PRDM15: variants seen among roughly 807,000 people sequenced by gnomAD.
The protein encoded by PRDM15 is PR domain zinc finger protein 15.
In PRDM15, 64 loss-of-function variants were observed where a neutral mutation model predicts 128.6. The ratio of observed to expected loss-of-function variants is 0.50; its 90% CI spans 0.41 to 0.61. The LOEUF is 0.61. PRDM15 is among the 20% of genes least tolerant of loss of function. The pLI is 0.00. For synonymous variants in PRDM15, 615 were observed against 621.8 expected, an observed-to-expected ratio of 0.99 and a Z score of 0.16; for missense variants, 1,242 against 1,569.1, an observed-to-expected ratio of 0.79 and a Z score of 3.52.
chr21:41,834,837 C>A (rs1349937714), intron 11 of PRDM15, among the ~76,000 whole-genome samples: 1 of 152,246 alleles, frequency 6.6e-6, no homozygotes, highest in Non-Finnish European at 1.5e-5. Flanking sequence ...CAGACGCCCC[C>A]CAGGCCCGAA....
chr21:41,836,753 C>T (rs540261209), intron 8 of PRDM15, 104 bp from the exon 9 acceptor site: 283 of 966,818 alleles, frequency 2.9e-4, no homozygotes, highest in Non-Finnish European at 4.1e-4. Flanking sequence ...CAGCTAATCC[C>T]GAGCCTGTAT....
intron 11 of PRDM15, among the ~76,000 whole-genome samples, chr21:41,830,507 C>T (rs1303317710): frequency 6.6e-6 from 1 of 150,918 alleles, no homozygotes; most frequent in African/African-American, 2.4e-5. Flanking sequence ...ACACATAATA[C>T]NCCACACCAA....
intron 1 of PRDM15, chr21:41,878,969 G>A: frequency 2.0e-6 from 2 of 989,816 alleles, no homozygotes; most frequent in Non-Finnish European, 2.4e-6. Flanking sequence ...CGCGGAGCCC[G>A]GCCAGGAGCG....
chr21:41,820,312 G>A (rs1488494331), intron 16 of PRDM15, 138 bp from the exon 17 acceptor site: 4 of 677,724 alleles, frequency 5.9e-6, no homozygotes, highest in South Asian at 3.4e-5. Context: ...AGATATTTGA[G>A]CCTCTGCCAC....
chr21:41,829,444 A>G (rs1159785906), intron 11 of PRDM15, among the ~76,000 whole-genome samples: 1 of 151,650 alleles, frequency 6.6e-6, no homozygotes, highest in East Asian at 1.9e-4. Flanking sequence ...AGCCACAAAT[A>G]CTCAACACAC....
chr21:41,835,826 G>A (rs556721021), intron 10 of PRDM15, among the ~76,000 whole-genome samples: 60 of 151,756 alleles, frequency 4.0e-4, no homozygotes, highest in Admixed American at 7.2e-4. Context: ...GCCCAGGGAC[G>A]CCAGGACACC....
intron 1 of PRDM15, chr21:41,861,521 T>G: frequency 6.7e-7 from 1 of 1,495,088 alleles, no homozygotes. Context: ...CACCAAATGA[T>G]TATTCCTCCT....
chr21:41,857,089 A>T, intron 4 of PRDM15, 87 bp downstream of exon 4: 1 of 1,200,742 alleles, frequency 8.3e-7, no homozygotes, highest in Non-Finnish European at 1.2e-6. Flanking sequence ...AAATCATGGA[A>T]ACTCAGTGGT....
At chr21:41,869,601 C>G (rs2064141010) in intron 1 of PRDM15, among the ~76,000 whole-genome samples, 1 of 152,132 alleles carries the variant, frequency 6.6e-6, no homozygotes, top group East Asian at 1.9e-4. Flanking sequence ...CATGCACCAC[C>G]ACGCCTGGCT....
At chr21:41,803,287 C>A (rs182121491) in intron 22 of PRDM15, among the ~76,000 whole-genome samples, 81 of 152,324 alleles carry the variant, frequency 5.3e-4, no homozygotes, top group Non-Finnish European at 9.7e-4. Context: ...CAAATCAGGG[C>A]TCTCTCTTCC....
At chr21:41,857,479 G>A in intron 3 of PRDM15, 150 bp from the exon 4 acceptor site, 2 of 806,366 alleles carry the variant, frequency 2.5e-6, no homozygotes, top group East Asian at 5.4e-5. Context: ...TTCCAGGCCA[G>A]GCTTGGTGGC....
chr21:41,843,245 G>A (rs2063130031), intron 6 of PRDM15, among the ~76,000 whole-genome samples: 2 of 152,076 alleles, frequency 1.3e-5, no homozygotes, highest in South Asian at 4.2e-4. Context: ...CTTAAACTCT[G>A]CCAGAAGTAT....
At position 41,822,013 on chromosome 21, in the gene PRDM15, G is replaced by A; in HGVS notation, c.1786C>T (p.Gln596Ter). ...ATCTTGCCGATAAACTCTTCCCTCT[G>A]GTGGTCATCCATCAACGCGATGTCC... ...FKDIALMDDH[Q>*]REEFIGKIGI... The change falls in exon 15 of 24, where the codon CAG becomes TAG. Residue 596 changes from glutamine (Q) to a stop codon, truncating the protein, a stop_gained. Transcript: ENST00000398548. LOFTEE classifies it high-confidence loss of function. 6.2e-7 allele frequency: 1 copy of A among 1,614,110 alleles called. No individual in the cohort carries two copies. Among genetic ancestry groups the A allele is most frequent in the Non-Finnish European group, 8.5e-7 (1 of 1,180,044 alleles).
At chr21:41,860,799 A>C (rs2063787513) in intron 1 of PRDM15, among the ~76,000 whole-genome samples, 1 of 152,134 alleles carries the variant, frequency 6.6e-6, no homozygotes, top group South Asian at 2.1e-4. Context: ...GTGGTGTTCT[A>C]AAGAGAGCAC....
Position 41,799,303 on chromosome 21 carries a change from C to T in PRDM15, c.*1937G>A, listed in dbSNP as rs765587361. The T allele has an allele frequency of 5.3e-5, 8 of 152,188 alleles. No homozygotes were observed. The highest frequency in any genetic ancestry group is 1.0e-4 in the Non-Finnish European group (7 of 68,042). 9.4% of individuals were successfully genotyped at this position (152,188 alleles called of 1,614,324 possible). On this transcript the variant is annotated 3_prime_UTR_variant, in exon 24 of 24. Transcript: ENST00000398548. ...AAATATATCTTAGGAGCCCTGGTCT[C>T]CTGCTGATTCCATGGATGCCTGGAG...
intron 21 of PRDM15, among the ~76,000 whole-genome samples, chr21:41,809,720 C>G (rs2061799129): frequency 1.3e-5 from 2 of 152,136 alleles, no homozygotes; most frequent in African/African-American, 4.8e-5. Flanking sequence ...TACGGAACAT[C>G]CTGGCCCTTC....
At chr21:41,803,653 TC>T (rs536852910) in intron 22 of PRDM15, among the ~76,000 whole-genome samples, 21 of 151,824 alleles carry the variant, frequency 1.4e-4, no homozygotes, top group African/African-American at 5.1e-4. Context: ...GGACGACCCG[TC>T]CCCCCCATGC....
chr21:41,863,151 C>T (rs1021305451), intron 1 of PRDM15: 11 of 150,182 alleles, frequency 7.3e-5, no homozygotes, highest in Admixed American at 1.3e-4. Flanking sequence ...CCTGGGCGAC[C>T]GAGTGAGACT....
chr21:41,824,994 C>T (rs951185148), intron 13 of PRDM15, among the ~76,000 whole-genome samples: 9 of 152,180 alleles, frequency 5.9e-5, no homozygotes, highest in Non-Finnish European at 8.8e-5. Flanking sequence ...CCGGGGCTCA[C>T]GTGAGCTGTG....
Sources: gnomAD v4.1 joint callset for allele counts (sites outside exome capture counted in the v4.1 genomes callset) on GRCh38, gnomAD v4.1.1 for gene constraint, MANE v1.5 for transcripts, NCBI Gene and HGNC (gene_info 2026-07-23, HGNC 2026-07-21) for gene names.